Variants in HDAC9 observed in about 807,000 individuals in gnomAD.
HDAC9 encodes MEF-2 interacting transcription repressor (MITR) protein.
HDAC9 carries 41 observed loss-of-function variants against 139.4 expected under a neutral mutation model. The observed-to-expected ratio is 0.29, with a 90% confidence interval of 0.23 to 0.38. HDAC9 has a LOEUF of 0.38. HDAC9 is among the 10% of genes least tolerant of loss of function. The pLI is 1.00. For synonymous variants in HDAC9, 517 were observed against 476.2 expected (o/e 1.09, Z -1.12); for missense variants, 1,147 against 1,297.0 (o/e 0.88, Z 1.78).
intron 25 of HDAC9, among the ~76,000 whole-genome samples, chr7:18,981,974 A>G (rs1345576055): frequency 6.6e-6 from 1 of 152,180 alleles, no homozygotes; most frequent in Admixed American, 6.5e-5. Context: ...AAAACGCCTT[A>G]TAGGCCAAGG....
At chr7:18,329,939 G>T (rs1360049343) in intron 1 of HDAC9, among the ~76,000 whole-genome samples, 3 of 151,120 alleles carry the variant, frequency 2.0e-5, no homozygotes, top group Admixed American at 6.6e-5. Context: ...TACTTCTAAG[G>T]TACTTTGGGT....
At chr7:18,298,909 G>A (rs1406889247) in intron 1 of HDAC9, among the ~76,000 whole-genome samples, 3 of 152,076 alleles carry the variant, frequency 2.0e-5, no homozygotes, top group Admixed American at 2.0e-4. Context: ...CACCGTGAAC[G>A]AAAACCCAGT....
At chr7:18,584,140 C>CTTTTTTTTTTTTTTTTT (rs3084518) in intron 2 of HDAC9, among the ~76,000 whole-genome samples, 1 of 107,754 alleles carries the variant, frequency 9.3e-6, no homozygotes, top group Admixed American at 1.2e-4. Flanking sequence ...AAGCAGCATT[C>CTTTTTTTTTTTTTTTTT]TTTTTTTTTT....
chr7:18,655,133 T>G (rs1173206826), intron 11 of HDAC9, among the ~76,000 whole-genome samples: 1 of 152,142 alleles, frequency 6.6e-6, no homozygotes, highest in East Asian at 1.9e-4. Flanking sequence ...TTGTTTTATG[T>G]TTTGAAAAAT....
At chr7:18,449,430 G>A (rs534402091) in intron 1 of HDAC9, among the ~76,000 whole-genome samples, 1 of 152,192 alleles carries the variant, frequency 6.6e-6, no homozygotes, top group South Asian at 2.1e-4. Context: ...AACTAACATG[G>A]GGTGTTAAAA....
intron 2 of HDAC9, among the ~76,000 whole-genome samples, chr7:18,509,645 GA>G (rs1361927651): frequency 6.6e-6 from 1 of 152,100 alleles, no homozygotes; most frequent in Non-Finnish European, 1.5e-5. Context: ...CATCACTGGG[GA>G]AAATTCTCTT....
chr7:18,117,007 T>C (rs1240076674), intron 1 of HDAC9, among the ~76,000 whole-genome samples: 1 of 152,190 alleles, frequency 6.6e-6, no homozygotes, highest in Non-Finnish European at 1.5e-5. Context: ...CTGAATAACA[T>C]TTCAATGAAC....
intron 1 of HDAC9, among the ~76,000 whole-genome samples, chr7:18,417,756 C>T (rs1361422271): frequency 2.0e-5 from 3 of 152,244 alleles, no homozygotes; most frequent in East Asian, 3.9e-4. Flanking sequence ...GAGTGCTGGT[C>T]GCTGTTAGCT....
intron 1 of HDAC9, among the ~76,000 whole-genome samples, chr7:18,098,959 TA>T (rs34241125): frequency 6.6e-6 from 1 of 152,194 alleles, no homozygotes. Flanking sequence ...AACATTCTCC[TA>T]AAAAGCCCTA....
chr7:18,154,453 G>A (rs1470851430), intron 1 of HDAC9, among the ~76,000 whole-genome samples: 4 of 152,138 alleles, frequency 2.6e-5, no homozygotes, highest in South Asian at 2.1e-4. Flanking sequence ...ATGAAATTTG[G>A]CCTGAAGTAA....
At chr7:18,974,935 T>A (rs1265998505) in intron 24 of HDAC9, among the ~76,000 whole-genome samples, 1 of 152,158 alleles carries the variant, frequency 6.6e-6, no homozygotes, top group Non-Finnish European at 1.5e-5. Flanking sequence ...AAGCAAACAC[T>A]GCATACCAAA....
chr7:18,814,411 G>T (rs1439969342), intron 17 of HDAC9, among the ~76,000 whole-genome samples: 1 of 152,084 alleles, frequency 6.6e-6, no homozygotes, highest in Non-Finnish European at 1.5e-5. Flanking sequence ...GATATCTGCT[G>T]GTTTATGTAT....
intron 13 of HDAC9, among the ~76,000 whole-genome samples, chr7:18,745,592 TGC>T (rs1787876243): frequency 7.3e-6 from 1 of 136,760 alleles, no homozygotes; most frequent in Admixed American, 8.0e-5. Flanking sequence ...CAGGCCGGAC[TGC>T]GGACTGCAGT....
intron 1 of HDAC9, among the ~76,000 whole-genome samples, chr7:18,347,622 T>C (rs1214620144): frequency 1.3e-5 from 2 of 152,188 alleles, no homozygotes; most frequent in African/African-American, 4.8e-5. Context: ...TATTTTATTT[T>C]TTAGACAGAG....
In HDAC9 at chr7:18,495,991, G is replaced by C. The variant is rs1401478727; in HGVS notation, c.-74G>C. On this transcript the variant is annotated 5_prime_UTR_variant, in exon 1 of 26. Transcript: ENST00000686413. ...ATAACCTAAACTCCAGAGAGCTATA[G>C]CATCCACTCTGTCCTTTCTGCTTTG... is the stretch of plus-strand genomic sequence containing the variant. 1 of 1,375,206 alleles carries C rather than the reference G, an allele frequency of 7.3e-7. No individual in the cohort carries two copies. Among genetic ancestry groups the C allele is most frequent in the Non-Finnish European group, 9.4e-7 (1 of 1,067,296 alleles). 85.2% of individuals were successfully genotyped at this position (1,375,206 alleles called of 1,614,324 possible).
intron 24 of HDAC9, among the ~76,000 whole-genome samples, chr7:18,956,477 T>C (rs1783157486): frequency 6.6e-6 from 1 of 151,988 alleles, no homozygotes; most frequent in African/African-American, 2.4e-5. Context: ...GTGAGGTGCT[T>C]GGGAGCCTGG....
intron 1 of HDAC9, among the ~76,000 whole-genome samples, chr7:18,421,080 A>G (rs1244724977): frequency 6.6e-6 from 1 of 152,040 alleles, no homozygotes; most frequent in African/African-American, 2.4e-5. Flanking sequence ...ACTATGTCCT[A>G]CCTCCCCTTA....
chr7:18,919,408 G>T lies in HDAC9; in HGVS notation c.2804-16401G>T, dbSNP rs980501907. 1.4e-4 allele frequency among the ~76,000 whole-genome samples: 22 copies of T among 152,010 alleles called. No homozygotes were observed. In the South Asian group the frequency reaches 2.1e-3, roughly 14 times the overall value. ...CAAGTCCACTTAAGCAATCTTCCTA[G>T]AGAAGAAAAAATGTTGTATCATTCT... On this transcript the variant is annotated intron_variant, in intron 22 of 25. Coordinates refer to ENST00000686413, the MANE Select transcript of HDAC9 (RefSeq NM_178425.4).
intron 1 of HDAC9, among the ~76,000 whole-genome samples, chr7:18,421,183 AGT>A (rs985714534): frequency 6.6e-6 from 1 of 152,192 alleles, no homozygotes; most frequent in African/African-American, 2.4e-5. Context: ...TTGATTCTGT[AGT>A]GTTTTCAAGA....
Sources: allele counts gnomAD v4.1 joint callset (sites outside exome capture counted in the v4.1 genomes callset), GRCh38; gene constraint gnomAD v4.1.1; transcripts MANE v1.5; gene names NCBI Gene and HGNC (gene_info 2026-07-23, HGNC 2026-07-21).